Variants in VPS41 observed in about 807,000 individuals in gnomAD.
The protein encoded by VPS41 is VPS41 subunit of HOPS complex.
In VPS41, 85 loss-of-function variants were observed where a neutral mutation model predicts 130.9. That is an observed-to-expected ratio of 0.65 (90% CI 0.55 to 0.78). The LOEUF is 0.78. Ranked by LOEUF, VPS41 falls within the 30% of genes least tolerant of loss-of-function variation. The probability of loss-of-function intolerance (pLI) is 0.00; values close to 1 mark genes in which losing one functional copy is unlikely to be tolerated. For synonymous variants in VPS41, 335 were observed against 332.9 expected (o/e 1.01, Z -0.07); for missense variants, 874 against 1,018.7 (o/e 0.86, Z 1.93).
chr7:38,727,968 G>A (rs1382614394), intron 27 of VPS41, among the ~76,000 whole-genome samples: 2 of 152,170 alleles, frequency 1.3e-5, no homozygotes. Context: ...AAGACTCACA[G>A]TTCCAATTAG....
At chr7:38,895,003 A>G (rs1016071163) in intron 2 of VPS41, among the ~76,000 whole-genome samples, 1 of 152,212 alleles carries the variant, frequency 6.6e-6, no homozygotes, top group Non-Finnish European at 1.5e-5. Flanking sequence ...CATTTCTAAT[A>G]TAGTTTTTAA....
intron 16 of VPS41, among the ~76,000 whole-genome samples, chr7:38,765,071 A>T (rs754984373): frequency 1.8e-4 from 28 of 152,334 alleles, no homozygotes; most frequent in Non-Finnish European, 1.3e-4. Flanking sequence ...AAAAATTTTT[A>T]AATGTTTAAA....
chr7:38,771,127 A>C lies in VPS41; in HGVS notation c.1185+71T>G, dbSNP rs182751349. The C allele has an allele frequency of 0.012, 13,122 of 1,132,216 alleles. 109 individuals carry two copies. The highest frequency in any genetic ancestry group is 0.015 in the Non-Finnish European group (11,279 of 771,140). The allele number at this position is 1,132,216 out of a possible 1,614,324, so 70.1% of individuals were successfully genotyped here. A position where few individuals can be genotyped will look rare whatever the true frequency, so the allele number is the denominator to read the frequency against. On this transcript the variant is annotated intron_variant, in intron 14 of 28. Coordinates refer to ENST00000310301, the MANE Select transcript of VPS41 (RefSeq NM_014396.4). Reference sequence around the variant, plus strand: ...AGATAGGAAAAACCTGTTCTTTTCAAATTATTTTCAGTCTCACTATAACTT... The same window carrying C: ...AGATAGGAAAAACCTGTTCTTTTCACATTATTTTCAGTCTCACTATAACTT...
intron 24 of VPS41, among the ~76,000 whole-genome samples, chr7:38,742,762 T>TAA (rs371618498): frequency 5.7e-4 from 82 of 144,694 alleles, no homozygotes; most frequent in South Asian, 2.2e-3. Context: ...CTACCAAACT[T>TAA]AAAAAAAAAA....
intron 2 of VPS41, among the ~76,000 whole-genome samples, chr7:38,885,263 C>T (rs746269705): frequency 6.6e-6 from 1 of 152,002 alleles, no homozygotes; most frequent in Non-Finnish European, 1.5e-5. Flanking sequence ...TTAGTAGAGA[C>T]GGGGTTTCAC....
chr7:38,787,954 A>C (rs1021529463), intron 10 of VPS41, among the ~76,000 whole-genome samples: 2 of 152,204 alleles, frequency 1.3e-5, no homozygotes, highest in African/African-American at 4.8e-5. Context: ...CGTAAATTAC[A>C]GTACAGATGA....
At chr7:38,745,377 G>T (rs1795966458) in intron 23 of VPS41, among the ~76,000 whole-genome samples, 182 bp downstream of exon 23, 1 of 152,088 alleles carries the variant, frequency 6.6e-6, no homozygotes, top group Non-Finnish European at 1.5e-5. Context: ...CAACATTTAT[G>T]AAACAACTCT....
At chr7:38,792,873 CACAA>C (rs1282287453) in intron 9 of VPS41, among the ~76,000 whole-genome samples, 2 of 152,128 alleles carry the variant, frequency 1.3e-5, no homozygotes, top group Non-Finnish European at 2.9e-5. Flanking sequence ...CTCACTCTGA[CACAA>C]ACAGCTTCCT....
intron 1 of VPS41, among the ~76,000 whole-genome samples, chr7:38,905,161 T>C (rs527605688): frequency 3.9e-5 from 6 of 152,194 alleles, no homozygotes; most frequent in Non-Finnish European, 8.8e-5. Context: ...TATAAAGCAC[T>C]AGCCCTGTGG....
At chr7:38,821,341 T>C in intron 5 of VPS41, 76 bp from the exon 6 acceptor site, 1 of 933,642 alleles carries the variant, frequency 1.1e-6, no homozygotes, top group South Asian at 1.4e-5. Flanking sequence ...GAACACATAC[T>C]ATCAATAAGA....
chr7:38,727,351 C>A (rs187820688), intron 27 of VPS41, among the ~76,000 whole-genome samples: 2 of 152,254 alleles, frequency 1.3e-5, no homozygotes, highest in Admixed American at 1.3e-4. Context: ...CTTTGCCAGT[C>A]CACCTGCTAC....
chr7:38,765,552 TGA>T (rs529102335), intron 16 of VPS41, 26 bp downstream of exon 16: 14 of 1,443,712 alleles, frequency 9.7e-6, no homozygotes, highest in East Asian at 2.3e-5. Flanking sequence ...TTGCAGAAAC[TGA>T]GAGTTAAAAA....
intron 25 of VPS41, among the ~76,000 whole-genome samples, chr7:38,729,943 G>C (rs1194773699): frequency 6.6e-6 from 1 of 152,004 alleles, no homozygotes; most frequent in Non-Finnish European, 1.5e-5. Flanking sequence ...TTTTTAACCA[G>C]AACTTGTTGC....
intron 2 of VPS41, among the ~76,000 whole-genome samples, chr7:38,876,413 A>C (rs1189954126): frequency 6.6e-6 from 1 of 152,180 alleles, no homozygotes; most frequent in Non-Finnish European, 1.5e-5. Flanking sequence ...TATGGGGGGA[A>C]GATGAGAAGA....
chr7:38,761,580 A>C (rs1783922790), intron 17 of VPS41, among the ~76,000 whole-genome samples: 1 of 145,704 alleles, frequency 6.9e-6, no homozygotes, highest in South Asian at 2.4e-4. Flanking sequence ...GGGGTGAGCC[A>C]CCACACACAG....
intron 5 of VPS41, among the ~76,000 whole-genome samples, chr7:38,824,357 G>A (rs866537761): frequency 1.3e-5 from 2 of 152,152 alleles, no homozygotes; most frequent in South Asian, 2.1e-4. Flanking sequence ...CTGGTGAGGC[G>A]AAATGATATT....
chr7:38,743,343 C>T (rs575691034), intron 24 of VPS41, 59 bp downstream of exon 24: 138 of 1,594,880 alleles, frequency 8.7e-5, no homozygotes, highest in South Asian at 1.8e-4. Flanking sequence ...TTAATCTAGA[C>T]ATAACTGGTT....
chr7:38,741,871 T>C (rs1795887121), intron 25 of VPS41, 114 bp downstream of exon 25: 1 of 1,200,818 alleles, frequency 8.3e-7, no homozygotes, highest in African/African-American at 1.5e-5. Flanking sequence ...CTAAATAAAA[T>C]GTAACCATAA....
In VPS41 at chr7:38,726,270, A is replaced by G. The variant is rs1013603848; in HGVS notation, c.2541T>C (p.Ser847=). ...ICSAKNRGPG[S]AILEMKK is the part of the protein sequence containing the mutation. ...GCTATTTTTTCATCTCCAAAATTGC[A>G]CTTCCTGGTCCACGGTTCTTAGCAC... The change falls in exon 29 of 29, where the codon AGT becomes AGC. Residue 847 remains serine (S), a synonymous_variant. Coordinates refer to ENST00000310301, the MANE Select transcript of VPS41 (RefSeq NM_014396.4). The G allele has an allele frequency of 1.2e-6, 2 of 1,613,850 alleles. No homozygotes were observed. The highest frequency in any genetic ancestry group is 1.7e-6 in the Non-Finnish European group (2 of 1,179,730).
Sources: allele counts gnomAD v4.1 joint callset (sites outside exome capture counted in the v4.1 genomes callset), GRCh38; gene constraint gnomAD v4.1.1; transcripts MANE v1.5; gene names NCBI Gene and HGNC (gene_info 2026-07-23, HGNC 2026-07-21).